Variants in CEPT1 observed in about 807,000 individuals in gnomAD.
The protein encoded by CEPT1 is choline/ethanolamine phosphotransferase 1.
Under a neutral mutation model 42.6 loss-of-function variants are expected in CEPT1, and 7 were observed. The ratio of observed to expected loss-of-function variants is 0.16; its 90% CI spans 0.09 to 0.31. The LOEUF is 0.31. Among genes scored for constraint, CEPT1 ranks in the 10% least tolerant of loss-of-function variants. The probability of loss-of-function intolerance (pLI) is 1.00; values close to 1 mark genes in which losing one functional copy is unlikely to be tolerated. For synonymous variants in CEPT1, 171 were observed against 171.9 expected (o/e 0.99, Z 0.04); for missense variants, 306 against 502.1 (o/e 0.61, Z 3.73).
At chr1:111,175,030 G>C in intron 5 of CEPT1, 67 bp downstream of exon 5, 1 of 952,422 alleles carries the variant, frequency 1.0e-6, no homozygotes, top group Non-Finnish European at 1.7e-6. Flanking sequence ...TTCTAATATG[G>C]GATAATCCAG....
At chr1:111,159,658 T>A in intron 3 of CEPT1, 131 bp downstream of exon 3, 1 of 625,694 alleles carries the variant, frequency 1.6e-6, no homozygotes, top group African/African-American at 1.9e-5. Context: ...CTCAAAAGAC[T>A]ATGAACCTAG....
At chr1:111,183,692 G>A in intron 8 of CEPT1, 105 bp downstream of exon 8, 1 of 1,148,276 alleles carries the variant, frequency 8.7e-7, no homozygotes, top group Middle Eastern at 3.0e-4. Flanking sequence ...TAATTGTAAT[G>A]ATTTGGAATG....
intron 1 of CEPT1, among the ~76,000 whole-genome samples, chr1:111,140,909 A>G (rs1407480342): frequency 6.6e-6 from 1 of 152,260 alleles, no homozygotes; most frequent in Non-Finnish European, 1.5e-5. Flanking sequence ...AGAAATAACC[A>G]AAAGAGTTGC....
Position 111,161,140 on chromosome 1 carries a change from A to T in CEPT1, c.488-15A>T. 7 of 1,613,778 alleles carry T rather than the reference A, an allele frequency of 4.3e-6. No individual in the cohort carries two copies. Among genetic ancestry groups the T allele is most frequent in the Non-Finnish European group, 5.1e-6 (6 of 1,179,862 alleles). On this transcript the variant is annotated splice_polypyrimidine_tract_variant and intron_variant, in intron 3 of 8. Transcript: ENST00000357172. ...TTCATATTATTTGGTTTTCATCGTG[A>T]TCTTTCTTCTGCAGTTTTTGTGGTT...
chr1:111,173,313 G>C (rs1458025012), intron 4 of CEPT1: 1 of 151,692 alleles, frequency 6.6e-6, no homozygotes, highest in African/African-American at 2.4e-5. Context: ...TTTTCAATGT[G>C]TATATCAAGA....
chr1:111,147,007 G>GTGTT (rs1655005929), intron 1 of CEPT1, among the ~76,000 whole-genome samples: 2 of 152,130 alleles, frequency 1.3e-5, no homozygotes, highest in African/African-American at 2.4e-5. Context: ...CAGAAAACCT[G>GTGTT]TGTTTGTTTG....
intron 2 of CEPT1, among the ~76,000 whole-genome samples, chr1:111,149,413 C>T (rs1026616441): frequency 4.6e-5 from 7 of 152,090 alleles, no homozygotes; most frequent in Admixed American, 4.6e-4. Flanking sequence ...CAGGCCCGCA[C>T]CATCACGCCC....
rs771082825 is a variant in CEPT1 at position 111,148,015 on chromosome 1, A to G, written c.301A>G (p.Ile101Val). The change falls in exon 2 of 9, where the codon ATT becomes GTT. Residue 101 changes from isoleucine to valine, a missense_variant. Physicochemically the swap from Ile to Val is conservative, Grantham distance 29. This residue lies in a region of CEPT1 where 253 missense variants were observed against 447.3 expected (regional missense o/e 0.57). Coordinates refer to ENST00000357172, the MANE Select transcript of CEPT1 (RefSeq NM_006090.5). ...IGLSINICTT[I>V]LLVFYCPTAT... ...ACTGTCAATAAACATCTGTACAACT[A>G]TTTTATTAGTCTTCTACTGCCCTAC... 4 of 1,614,130 alleles carry G rather than the reference A, an allele frequency of 2.5e-6. No homozygotes were observed. The highest frequency in any genetic ancestry group is 2.7e-5 in the African/African-American group (2 of 75,038).
chr1:111,155,515 A>G (rs1036833325), intron 2 of CEPT1, among the ~76,000 whole-genome samples: 10 of 151,834 alleles, frequency 6.6e-5, no homozygotes, highest in African/African-American at 2.2e-4. Context: ...GTATATATAC[A>G]TATATATGAT....
intron 4 of CEPT1, among the ~76,000 whole-genome samples, chr1:111,165,067 T>TG (rs1656071571): frequency 2.5e-5 from 3 of 118,998 alleles, no homozygotes; most frequent in Non-Finnish European, 5.3e-5. Context: ...TTTTTTTTTT[T>TG]GAGACGGAGT....
chr1:111,169,877 GTT>G (rs1388265758), intron 4 of CEPT1, among the ~76,000 whole-genome samples: 20 of 152,228 alleles, frequency 1.3e-4, no homozygotes, highest in Non-Finnish European at 2.8e-4. Context: ...AAACACTCCG[GTT>G]TCTCTTCAAG....
rs111441972 is a variant in CEPT1 at position 111,153,992 on chromosome 1, T to C, written c.340-5388T>C. Among the ~76,000 whole-genome samples, 1,053 of 152,182 alleles carry C rather than the reference T, an allele frequency of 6.9e-3. 14 individuals carry two copies. Among genetic ancestry groups the C allele is most frequent in the African/African-American group, 0.021 (877 of 41,548 alleles). ...ATTTTTTTTCTATTTCTGTGAAGAA[T>C]GTCATTGGTATTTTGATAGGGATTG... On this transcript the variant is annotated intron_variant, in intron 2 of 8. Transcript: ENST00000357172.
rs1234490352 is a variant in CEPT1, at chr1:111,182,964, A to G, written c.1005+7A>G. On this transcript the variant is annotated splice_region_variant and intron_variant, in intron 7 of 8. Transcript: ENST00000357172. ...AATCACTAATAAGCTTGTGGTAAGC[A>G]CCTGAGTTTTTATTTGCTGTGTTTT... 3.1e-6 allele frequency: 5 copies of G among 1,605,822 alleles called. No homozygotes were observed. The highest frequency in any genetic ancestry group is 4.3e-6 in the Non-Finnish European group (5 of 1,176,414).
At chr1:111,177,701 GTAAT>G (rs1441196828) in intron 5 of CEPT1, among the ~76,000 whole-genome samples, 1 of 152,106 alleles carries the variant, frequency 6.6e-6, no homozygotes, top group African/African-American at 2.4e-5. Context: ...GTCCTGTCTT[GTAAT>G]TAATATAAAC....
chr1:111,161,128 G>A, intron 3 of CEPT1, 27 bp from the exon 4 acceptor site: 1 of 1,613,372 alleles, frequency 6.2e-7, no homozygotes, highest in South Asian at 1.1e-5. Flanking sequence ...ATATTATTTG[G>A]TTTTCATCGT....
At chr1:111,158,909 T>TCAGTGAG (rs1402248000) in intron 2 of CEPT1, among the ~76,000 whole-genome samples, 3 of 117,372 alleles carry the variant, frequency 2.6e-5, no homozygotes, top group Admixed American at 8.0e-5. Context: ...ATTCTTTTTT[T>TCAGTGAG]TTTTTTTTTT....
intron 2 of CEPT1, among the ~76,000 whole-genome samples, chr1:111,151,868 C>T (rs1007720789): frequency 6.6e-6 from 1 of 152,118 alleles, no homozygotes; most frequent in African/African-American, 2.4e-5. Context: ...GATTTTCTTC[C>T]TTGTCTTGTA....
At chr1:111,144,281 C>T (rs1409600927) in intron 1 of CEPT1, among the ~76,000 whole-genome samples, 1 of 152,158 alleles carries the variant, frequency 6.6e-6, no homozygotes, top group Non-Finnish European at 1.5e-5. Flanking sequence ...GTAGTGACTG[C>T]AAACTCTGTA....
chr1:111,144,439 C>T (rs1654839590), intron 1 of CEPT1, among the ~76,000 whole-genome samples: 1 of 152,096 alleles, frequency 6.6e-6, no homozygotes, highest in Admixed American at 6.5e-5. Context: ...AAACTCATTG[C>T]CTCTTTTCAT....
Sources: gnomAD v4.1 joint callset for allele counts (sites outside exome capture counted in the v4.1 genomes callset) on GRCh38, gnomAD v4.1.1 for gene constraint, gnomAD v4.1.1 regional missense constraint, MANE v1.5 for transcripts, NCBI Gene and HGNC (gene_info 2026-07-23, HGNC 2026-07-21) for gene names.